Variants in AP1S2 observed in about 807,000 individuals in gnomAD.
The protein encoded by AP1S2 is adaptor related protein complex 1 subunit sigma 2.
AP1S2 carries 1 observed loss-of-function variant against 14.3 expected under a neutral mutation model. That is an observed-to-expected ratio of 0.07 (90% CI 0.02 to 0.33). The LOEUF (loss-of-function observed/expected upper bound fraction) is 0.33. Ranked by LOEUF, AP1S2 falls within the 10% of genes least tolerant of loss-of-function variation. The probability of loss-of-function intolerance (pLI) is 0.99; values close to 1 mark genes in which losing one functional copy is unlikely to be tolerated. For synonymous variants in AP1S2, 30 were observed against 40.5 expected (o/e 0.74, Z 0.99); for missense variants, 30 against 117.7 (o/e 0.25, Z 3.45).
At chrX:15,852,601 A>C (rs978951377) in intron 1 of AP1S2, 77 bp from the exon 2 acceptor site, 2 of 955,192 alleles carry the variant, frequency 2.1e-6, no homozygotes, top group Non-Finnish European at 2.9e-6. Context: ...TTCACAGAGA[A>C]GTTTTGGGGG....
chrX:15,843,024 CAA>C (rs10712499), intron 4 of AP1S2, among the ~76,000 whole-genome samples: 3,031 of 63,396 alleles, frequency 0.048, 55 homozygotes, highest in African/African-American at 0.093. Flanking sequence ...AACTCCATCT[CAA>C]AAAAAAAAAA....
chrX:15,846,619 G>T (rs1423725381), intron 2 of AP1S2, among the ~76,000 whole-genome samples: 1 of 111,825 alleles, frequency 8.9e-6, no homozygotes, highest in East Asian at 2.8e-4. Flanking sequence ...ACCCCCAAGG[G>T]TAACTATGCT....
Position 15,854,699 on chromosome X carries a change from G to A in AP1S2, c.-12C>T, listed in dbSNP as rs756612753. The A allele has an allele frequency of 4.2e-4, 326 of 771,091 alleles. 1 individual carries two copies. The Middle Eastern group carries it at 0.011, about 26-fold the overall frequency. 63.5% of individuals were successfully genotyped at this position (771,091 alleles called of 1,213,427 possible). On this transcript the variant is annotated 5_prime_UTR_variant, in exon 1 of 6. Transcript: ENST00000672987. ...CCCCAGGGACTTACGGCGGCCGCGG[G>A]CCGCGGGCGCGGCGGAGCTTGGCCG...
intron 4 of AP1S2, among the ~76,000 whole-genome samples, chrX:15,839,435 G>A (rs1933756650): frequency 9.0e-6 from 1 of 111,045 alleles, no homozygotes; most frequent in South Asian, 3.8e-4. Context: ...GGACTAGCAT[G>A]CCCAAATATT....
intron 4 of AP1S2, chrX:15,840,537 C>CT: frequency 1.0e-6 from 1 of 980,853 alleles, no homozygotes. Context: ...AAGCCTTAGA[C>CT]TGCTCTTTAT....
chrX:15,839,549 T>C (rs1410536799), intron 4 of AP1S2, among the ~76,000 whole-genome samples: 2 of 103,649 alleles, frequency 1.9e-5, no homozygotes, highest in African/African-American at 6.9e-5. Context: ...AGCATGATCA[T>C]GGCTCACTAT....
At chrX:15,842,406 C>A (rs1454141025) in intron 4 of AP1S2, among the ~76,000 whole-genome samples, 1 of 111,724 alleles carries the variant, frequency 9.0e-6, no homozygotes, top group African/African-American at 3.3e-5. Flanking sequence ...ATGGCCTTAA[C>A]CTACGATGTA....
At chrX:15,849,924 C>T (rs999164964) in intron 2 of AP1S2, among the ~76,000 whole-genome samples, 3 of 111,985 alleles carry the variant, frequency 2.7e-5, no homozygotes, top group African/African-American at 9.8e-5. Context: ...AATTTCTCCA[C>T]CTCTTCACAC....
rs1933250449 is a variant in AP1S2 at position 15,826,066 on chromosome X, AGT to A, written c.*1257_*1258del. 8.9e-6 allele frequency: 1 copy of A among 112,209 alleles called. No individual in the cohort carries two copies. Among genetic ancestry groups the A allele is most frequent in the Non-Finnish European group, 1.9e-5 (1 of 53,228 alleles). The allele number at this position is 112,209 out of a possible 1,213,427, so 9.2% of individuals were successfully genotyped here. On this transcript the variant is annotated 3_prime_UTR_variant, in exon 6 of 6. Transcript: ENST00000672987. ...TTGGAAAGAGATAAAAACACACTCC[AGT>A]GTTTGTACGTTGAACGTTTATTACA... is the stretch of plus-strand genomic sequence containing the variant.
At chrX:15,849,142 T>TA (rs1184895438) in intron 2 of AP1S2, among the ~76,000 whole-genome samples, 1 of 112,011 alleles carries the variant, frequency 8.9e-6, no homozygotes, top group Non-Finnish European at 1.9e-5. Context: ...TAGCTAACGT[T>TA]ACAAAGGGAA....
At chrX:15,827,401 A>G in intron 5 of AP1S2, 29 bp from the exon 6 acceptor site, 1 of 1,154,109 alleles carries the variant, frequency 8.7e-7, no homozygotes, top group Non-Finnish European at 1.2e-6. Flanking sequence ...AGACTCTGGT[A>G]AGCAGATCCA....
chrX:15,835,931 C>T (rs1008432894), intron 4 of AP1S2, among the ~76,000 whole-genome samples: 1 of 110,375 alleles, frequency 9.1e-6, no homozygotes, highest in South Asian at 3.8e-4. Flanking sequence ...TGGTGAGACC[C>T]TGTCCCTACA....
intron 4 of AP1S2, among the ~76,000 whole-genome samples, chrX:15,840,056 G>A (rs1339742386): frequency 9.0e-6 from 1 of 111,505 alleles, no homozygotes; most frequent in African/African-American, 3.3e-5. Context: ...TTTTAGCAGC[G>A]CTAATCCTCC....
chrX:15,833,629 G>T, intron 4 of AP1S2: 1 of 395,969 alleles, frequency 2.5e-6, no homozygotes, highest in Non-Finnish European at 3.3e-6. Context: ...AAAAAGTTCT[G>T]TTATAAATGC....
intron 2 of AP1S2, 151 bp downstream of exon 2, chrX:15,852,195 G>A: frequency 1.9e-6 from 1 of 537,552 alleles, no homozygotes; most frequent in East Asian, 3.7e-5. Context: ...CAAAACACTA[G>A]TTATTTTAAA....
chrX:15,852,538 T>C lies in AP1S2; in HGVS notation c.1-14A>G. 8.4e-7 allele frequency: 1 copy of C among 1,188,810 alleles called. No homozygotes were observed. Reference sequence around the variant, plus strand: ...CATAAACTGCATCTGTTAAGATAAATAAAATCAAGATTACATGTAATACTT... The same window carrying C: ...CATAAACTGCATCTGTTAAGATAAACAAAATCAAGATTACATGTAATACTT... On this transcript the variant is annotated splice_polypyrimidine_tract_variant and intron_variant, in intron 1 of 5. Coordinates refer to ENST00000672987, the MANE Select transcript of AP1S2 (RefSeq NM_001272071.2).
intron 4 of AP1S2, chrX:15,830,498 G>T (rs1326969390): frequency 6.8e-6 from 5 of 738,334 alleles, no homozygotes; most frequent in Non-Finnish European, 8.0e-6. Flanking sequence ...AACATCTTGT[G>T]AAGTTATTGT....
In AP1S2 at chrX:15,838,624, TAGCA is replaced by T. The variant is rs1468492079; in HGVS notation, c.426+6751_426+6754del. Among the ~76,000 whole-genome samples the T allele has an allele frequency of 6.4e-5, 7 of 109,413 alleles. No homozygotes were observed. The East Asian group carries it at 1.7e-3, about 27-fold the overall frequency. ...ATTTAAGAAAAGAATAGAATAGAAATAGCAAGCGGAAAATCCTCAAAATTTTGAA... is the reference window on the plus strand; with the variant it reads ...ATTTAAGAAAAGAATAGAATAGAAATAGCGGAAAATCCTCAAAATTTTGAA... On this transcript the variant is annotated intron_variant, in intron 4 of 5. Coordinates refer to ENST00000672987, the MANE Select transcript of AP1S2 (RefSeq NM_001272071.2).
Position 15,854,713 on chromosome X carries a change from G to T in AP1S2, c.-26C>A. ...GGCGGCCGCGGGCCGCGGGCGCGGC[G>T]GAGCTTGGCCGGCGGCGGCGGCGGC... On this transcript the variant is annotated 5_prime_UTR_variant, in exon 1 of 6. Coordinates refer to ENST00000672987, the MANE Select transcript of AP1S2 (RefSeq NM_001272071.2). 1.3e-6 allele frequency: 1 copy of T among 789,586 alleles called. No homozygotes were observed. The highest frequency in any genetic ancestry group is 1.5e-6 in the Non-Finnish European group (1 of 663,083). 65.1% of individuals were successfully genotyped at this position (789,586 alleles called of 1,213,427 possible). A position where few individuals can be genotyped will look rare whatever the true frequency, so the allele number is the denominator to read the frequency against.
Sources: gnomAD v4.1 joint callset for allele counts (sites outside exome capture counted in the v4.1 genomes callset) on GRCh38, gnomAD v4.1.1 for gene constraint, MANE v1.5 for transcripts, NCBI Gene and HGNC (gene_info 2026-07-23, HGNC 2026-07-21) for gene names.